Variants in SLC7A13 observed in about 807,000 individuals in gnomAD.
The protein encoded by SLC7A13 is solute carrier family 7 member 13.
A neutral mutation model predicts 32.0 loss-of-function variants in SLC7A13; 31 were observed. The observed-to-expected ratio is 0.97, with a 90% CI of 0.73 to 1.31. SLC7A13 has a LOEUF of 1.31. Ranked by LOEUF, SLC7A13 falls within the 50% of genes most tolerant of loss-of-function variation. The probability of loss-of-function intolerance (pLI) is 0.00; values close to 1 mark genes in which losing one functional copy is unlikely to be tolerated. For missense variants in SLC7A13, 633 were observed against 546.9 expected (o/e 1.16, Z -1.57); for synonymous variants, 232 against 206.9 (o/e 1.12, Z -1.04).
At chr8:86,223,201 G>T in intron 1 of SLC7A13, 98 bp from the exon 2 acceptor site, 1 of 1,196,174 alleles carries the variant, frequency 8.4e-7, no homozygotes, top group Non-Finnish European at 1.1e-6. Flanking sequence ...AAATTAATGG[G>T]GTACAAGCAT....
Position 86,229,789 on chromosome 8 carries a change from G to T in SLC7A13, c.489C>A (p.Ser163Arg). The change falls in exon 1 of 4, where the codon AGC (serine) becomes AGA (arginine). Residue 163 changes from serine to arginine, a missense_variant. Ser to Arg is a moderately radical substitution (Grantham distance 110). Transcript: ENST00000297524. ...VKEVTWLQIA[S>R]SVLKVSILSF... ...TAAGTATGGACACTTTCAGCACTGA[G>T]CTAGCTATCTGAAGCCAAGTCACTT... The T allele has an allele frequency of 6.2e-7, 1 of 1,614,192 alleles. No individual in the cohort carries two copies. The highest frequency in any genetic ancestry group is 8.5e-7 in the Non-Finnish European group (1 of 1,180,034).
chr8:86,218,683 G>T (rs1363504559), intron 2 of SLC7A13, among the ~76,000 whole-genome samples: 1 of 148,458 alleles, frequency 6.7e-6, no homozygotes, highest in Non-Finnish European at 1.5e-5. Flanking sequence ...AAAGATAAAA[G>T]ATCTTATGAG....
Position 86,217,590 on chromosome 8 carries a change from TA to T in SLC7A13, c.1058del (p.Leu353Ter). ...AGTTTATCAAATCAATTAGACTTGT[TA>T]AGATAATTGCAAGGGATCCCAAAGT... ...LVTLGSLAII[L>X]TSLIDLINYI... On this transcript the variant is annotated frameshift_variant, in exon 3 of 4. Coordinates refer to ENST00000297524, the MANE Select transcript of SLC7A13 (RefSeq NM_138817.3). LOFTEE classifies it high-confidence loss of function. The T allele has an allele frequency of 6.2e-7, 1 of 1,613,426 alleles. No individual in the cohort carries two copies. The highest frequency in any genetic ancestry group is 8.5e-7 in the Non-Finnish European group (1 of 1,179,618).
In SLC7A13 at chr8:86,229,769, A is replaced by G. The variant is rs1467179307; in HGVS notation, c.509T>C (p.Ile170Thr). The part of the protein sequence containing the change: ...QIASSVLKVS[I>T]LSFISLTGVV... ...TCCAGTTAGGGAAATGAAGCTAAGT[A>G]TGGACACTTTCAGCACTGAGCTAGC... Residue 170 changes from isoleucine to threonine, a missense_variant, in exon 1 of 4, where the codon ATA becomes ACA. Coordinates refer to ENST00000297524, the MANE Select transcript of SLC7A13 (RefSeq NM_138817.3). The G allele has an allele frequency of 1.9e-6, 3 of 1,614,208 alleles. No individual in the cohort carries two copies. Among genetic ancestry groups the G allele is most frequent in the Admixed American group, 1.7e-5 (1 of 60,014 alleles).
intron 2 of SLC7A13, among the ~76,000 whole-genome samples, chr8:86,218,346 C>T (rs1305247163): frequency 6.6e-6 from 1 of 152,106 alleles, no homozygotes; most frequent in Non-Finnish European, 1.5e-5. Context: ...GAAAAAGGAA[C>T]CATGTAGATG....
intron 2 of SLC7A13, among the ~76,000 whole-genome samples, chr8:86,221,487 T>A (rs1474349560): frequency 6.6e-6 from 1 of 152,114 alleles, no homozygotes; most frequent in Admixed American, 6.6e-5. Flanking sequence ...TATTATACTT[T>A]AAGTTTTAGG....
In SLC7A13 at chr8:86,221,005, A is replaced by G. The variant is rs144022307; in HGVS notation, c.817+1967T>C. 2.9e-4 allele frequency among the ~76,000 whole-genome samples: 44 copies of G among 152,024 alleles called. 1 individual carries two copies. Among genetic ancestry groups the G allele is most frequent in the African/African-American group, 1.0e-3 (42 of 41,476 alleles). On this transcript the variant is annotated intron_variant, in intron 2 of 3. Transcript: ENST00000297524. ...AAGACTCTGTTTCAAAAAAAAAAAA[A>G]AAAACTATTTCTTTTGCTTATAACT...
Position 86,229,905 on chromosome 8 carries a change from GA to G in SLC7A13, c.372del (p.Ser126AlafsTer20). 2.5e-6 allele frequency: 4 copies of G among 1,613,890 alleles called. No homozygotes were observed. The highest frequency in any genetic ancestry group is 3.4e-6 in the Non-Finnish European group (4 of 1,179,958). On this transcript the variant is annotated frameshift_variant, in exon 1 of 4. Transcript: ENST00000297524. LOFTEE classifies it high-confidence loss of function. ...LLAEYSIQPF[F>X]PSCSVPKLPK... Reference sequence around the variant, plus strand: ...GGCAGCTTTGGGACAGAGCAGCTGGGAAAAAAAGGCTGGATGCTGTACTCAG... The same window carrying G: ...GGCAGCTTTGGGACAGAGCAGCTGGGAAAAAAGGCTGGATGCTGTACTCAG...
chr8:86,227,984 A>G (rs1820417093), intron 1 of SLC7A13, among the ~76,000 whole-genome samples: 1 of 152,188 alleles, frequency 6.6e-6, no homozygotes, highest in South Asian at 2.1e-4. Context: ...CCTATTGGGT[A>G]CAGTGTTCAT....
intron 3 of SLC7A13, among the ~76,000 whole-genome samples, chr8:86,216,891 C>T (rs1481591866): frequency 2.0e-5 from 3 of 152,178 alleles, no homozygotes; most frequent in Non-Finnish European, 4.4e-5. Flanking sequence ...GATAATCAGA[C>T]CGTCAGGGCC....
chr8:86,220,514 A>G (rs116496173), intron 2 of SLC7A13, among the ~76,000 whole-genome samples: 3,753 of 152,168 alleles, frequency 0.025, 176 homozygotes, highest in African/African-American at 0.084. Context: ...TTCTTTTTCT[A>G]TCTAAACCAC....
At chr8:86,215,102 G>T (rs1416671361) in intron 3 of SLC7A13, among the ~76,000 whole-genome samples, 1 of 151,828 alleles carries the variant, frequency 6.6e-6, no homozygotes, top group African/African-American at 2.4e-5. Flanking sequence ...TAACTTTATA[G>T]GCTCAGCATA....
chr8:86,230,033 T>C lies in SLC7A13; in HGVS notation c.245A>G (p.Tyr82Cys), dbSNP rs1586152549. Residue 82 changes from tyrosine to cysteine, a missense_variant, in exon 1 of 4, where the codon TAT becomes TGT. By Grantham distance (194) the Tyr-to-Cys change is radical. Transcript: ENST00000297524. Reference protein sequence around the residue: ...ISFPCSGAQYYFLKRYFGSTV... With the variant: ...ISFPCSGAQYCFLKRYFGSTV... ...GGAGCCAAAGTATCTCTTGAGAAAA[T>C]AGTATTGAGCTCCACTGCATGGGAA... 1.9e-6 allele frequency: 3 copies of C among 1,614,052 alleles called. No homozygotes were observed. The highest frequency in any genetic ancestry group is 2.5e-6 in the Non-Finnish European group (3 of 1,180,008).
chr8:86,219,011 G>A (rs541308936), intron 2 of SLC7A13, among the ~76,000 whole-genome samples: 1 of 152,088 alleles, frequency 6.6e-6, no homozygotes, highest in Non-Finnish European at 1.5e-5. Context: ...ATCATTAATA[G>A]CTCTTGTTCT....
At chr8:86,229,526 T>C (rs1820445080) in intron 1 of SLC7A13, 67 bp downstream of exon 1, 3 of 1,294,152 alleles carry the variant, frequency 2.3e-6, no homozygotes, top group Non-Finnish European at 3.2e-6. Flanking sequence ...ATACAACAAA[T>C]GATATGCATT....
At chr8:86,226,024 T>C (rs1820384867) in intron 1 of SLC7A13, among the ~76,000 whole-genome samples, 1 of 152,198 alleles carries the variant, frequency 6.6e-6, no homozygotes, top group Admixed American at 6.5e-5. Context: ...TTAGATGTAC[T>C]TAAGACTTAT....
intron 2 of SLC7A13, among the ~76,000 whole-genome samples, chr8:86,219,941 G>A (rs1257441378): frequency 6.6e-6 from 1 of 152,012 alleles, no homozygotes; most frequent in Non-Finnish European, 1.5e-5. Context: ...TTAAAATAAG[G>A]ATGATATTAC....
Position 86,214,441 on chromosome 8 carries a change from A to T in SLC7A13, c.1385T>A (p.Ile462Asn). 6.2e-7 allele frequency: 1 copy of T among 1,609,796 alleles called. No individual in the cohort carries two copies. Among genetic ancestry groups the T allele is most frequent in the Non-Finnish European group, 8.5e-7 (1 of 1,178,216 alleles). ...MTCYLQLLFN[I>N]CLPDVSEE is the part of the protein sequence containing the mutation. ...TTCCTCAGACACATCAGGGAGGCAA[A>T]TATTAAATAGTAATTGTAAATAGCA... Residue 462 changes from isoleucine to asparagine, a missense_variant, in exon 4 of 4, where the codon ATT becomes AAT. By Grantham distance (149) the Ile-to-Asn change is moderately radical. Transcript: ENST00000297524.
chr8:86,215,930 A>AGACC (rs1820174084), intron 3 of SLC7A13, among the ~76,000 whole-genome samples: 3 of 152,140 alleles, frequency 2.0e-5, no homozygotes, highest in Admixed American at 6.6e-5. Context: ...CATCAATGTC[A>AGACC]GACCCTGGAT....
Sources: allele counts gnomAD v4.1 joint callset (sites outside exome capture counted in the v4.1 genomes callset), GRCh38; gene constraint gnomAD v4.1.1; transcripts MANE v1.5; gene names NCBI Gene and HGNC (gene_info 2026-07-23, HGNC 2026-07-21).